LARP6: variants seen among roughly 807,000 people sequenced by gnomAD.
The protein encoded by LARP6 is la-related protein 6.
In LARP6, 18 loss-of-function variants were observed where a neutral mutation model predicts 32.8. That is an observed-to-expected ratio of 0.55 (90% CI 0.38 to 0.81). LARP6 has a LOEUF of 0.81. Among genes scored for constraint, LARP6 ranks in the 40% least tolerant of loss-of-function variants. The probability of loss-of-function intolerance (pLI) is 0.00; values close to 1 mark genes in which losing one functional copy is unlikely to be tolerated. For missense variants in LARP6, 598 were observed against 663.1 expected, an observed-to-expected ratio of 0.90 and a Z score of 1.08; for synonymous variants, 289 against 267.2, an observed-to-expected ratio of 1.08 and a Z score of -0.80.
At position 70,844,552 on chromosome 15, in the gene LARP6, T is replaced by G. The variant is rs1022317451; in HGVS notation, c.201-8047A>C. 9.2e-5 allele frequency among the ~76,000 whole-genome samples: 14 copies of G among 152,332 alleles called. No homozygotes were observed. The East Asian group carries it at 1.9e-3, about 21-fold the overall frequency. ...TTTATTATTATGACTATGTAAACACTGTTCCCTACAGGGCTAAGTCATTTG... is the reference window on the plus strand; with the variant it reads ...TTTATTATTATGACTATGTAAACACGGTTCCCTACAGGGCTAAGTCATTTG... On this transcript the variant is annotated intron_variant, in intron 1 of 2. Transcript: ENST00000299213.
intron 1 of LARP6, among the ~76,000 whole-genome samples, chr15:70,844,001 G>A (rs1299325791): frequency 1.1e-4 from 16 of 150,812 alleles, no homozygotes; most frequent in Admixed American, 4.0e-4. Flanking sequence ...CTGTCGCCCA[G>A]GCTGGAGTGC....
intron 1 of LARP6, among the ~76,000 whole-genome samples, chr15:70,846,104 A>G (rs1197844814): frequency 6.6e-6 from 1 of 152,114 alleles, no homozygotes; most frequent in Non-Finnish European, 1.5e-5. Context: ...CATCTTTGGT[A>G]TATTTCCCAA....
At chr15:70,851,204 T>C (rs778782794) in intron 1 of LARP6, among the ~76,000 whole-genome samples, 11 of 152,244 alleles carry the variant, frequency 7.2e-5, no homozygotes, top group South Asian at 2.1e-4. Context: ...TATAATCTTG[T>C]GTAAAACATA....
intron 1 of LARP6, chr15:70,849,412 A>T (rs1011698030): frequency 8.5e-5 from 13 of 153,294 alleles, no homozygotes; most frequent in African/African-American, 1.2e-4. Context: ...TATATTTCTT[A>T]GTTCTGTCCA....
chr15:70,848,147 A>C lies in LARP6; in HGVS notation c.200+5742T>G, dbSNP rs547537162. ...TGAAAACATATACAGGTATGTTCTC[A>C]ACTTTGTTAAAGGCATCACCCTTTT... On this transcript the variant is annotated intron_variant, in intron 1 of 2. Coordinates refer to ENST00000299213, the MANE Select transcript of LARP6 (RefSeq NM_018357.4). 2.7e-4 allele frequency among the ~76,000 whole-genome samples: 41 copies of C among 152,342 alleles called. 1 individual carries two copies. The highest frequency in any genetic ancestry group is 3.4e-3 in the Middle Eastern group (1 of 294).
intron 2 of LARP6, among the ~76,000 whole-genome samples, chr15:70,835,615 G>T (rs28408370): frequency 3.9e-5 from 6 of 152,156 alleles, no homozygotes; most frequent in Non-Finnish European, 8.8e-5. Context: ...AACAGGCCGC[G>T]TAGTGCTTTT....
At chr15:70,839,264 C>A (rs1490080020) in intron 1 of LARP6, among the ~76,000 whole-genome samples, 2 of 151,898 alleles carry the variant, frequency 1.3e-5, no homozygotes, top group Admixed American at 6.6e-5. Flanking sequence ...CATGGTGAAA[C>A]CCCATCTCTA....
chr15:70,846,904 T>C (rs1435835735), intron 1 of LARP6, among the ~76,000 whole-genome samples: 1 of 152,212 alleles, frequency 6.6e-6, no homozygotes, highest in Admixed American at 6.5e-5. Context: ...AGGTCCATCT[T>C]AAATGCAATT....
At chr15:70,839,793 G>A (rs992928903) in intron 1 of LARP6, among the ~76,000 whole-genome samples, 1 of 152,028 alleles carries the variant, frequency 6.6e-6, no homozygotes, top group Non-Finnish European at 1.5e-5. Context: ...TTAATGTTAT[G>A]GCCACTAACA....
At chr15:70,851,596 T>G (rs984291367) in intron 1 of LARP6, 23 of 1,597,204 alleles carry the variant, frequency 1.4e-5, no homozygotes, top group Non-Finnish European at 1.8e-5. Flanking sequence ...CACCATTGAG[T>G]GAGTGTGATG....
At chr15:70,853,221 C>T (rs892499141) in intron 1 of LARP6, 3 of 131,288 alleles carry the variant, frequency 2.3e-5, no homozygotes, top group Non-Finnish European at 4.9e-5. Context: ...AACACCCCCC[C>T]CCCGCCCCCC....
chr15:70,853,988 T>TCGTCCTCCAACTCGTCCA lies in LARP6; in HGVS notation c.83_100dup (p.Val28_Asp33dup), dbSNP rs1445375680. Reference sequence around the variant, plus strand: ...GCCCCGAGTCTCCGCCCCCTCCTCCTCGTCCTCCAACTCGTCCACGTCCTC... The same window carrying TCGTCCTCCAACTCGTCCA: ...GCCCCGAGTCTCCGCCCCCTCCTCCTCGTCCTCCAACTCGTCCACGTCCTCCAACTCGTCCACGTCCTC... On this transcript the variant is annotated inframe_insertion, in exon 1 of 3. Coordinates refer to ENST00000299213, the MANE Select transcript of LARP6 (RefSeq NM_018357.4). 6.8e-7 allele frequency: 1 copy of TCGTCCTCCAACTCGTCCA among 1,463,822 alleles called. No individual in the cohort carries two copies. The allele number at this position is 1,463,822 out of a possible 1,614,324, so 90.7% of individuals were successfully genotyped here.
rs1191138515 is a variant in LARP6, at chr15:70,829,224, C to G, written c.*2828G>C. On this transcript the variant is annotated 3_prime_UTR_variant, in exon 3 of 3. Transcript: ENST00000299213. ...CGTGATCTCGGCTCACTGCAACCTC[C>G]GCCTCCCAGGTTCAAGCAATTCTCC... is the stretch of plus-strand genomic sequence containing the variant. 6.6e-6 allele frequency: 1 copy of G among 152,110 alleles called. No individual in the cohort carries two copies. The highest frequency in any genetic ancestry group is 2.1e-4 in the South Asian group (1 of 4,826). The allele number at this position is 152,110 out of a possible 1,614,324, so 9.4% of individuals were successfully genotyped here.
chr15:70,852,288 A>C, intron 1 of LARP6: 2 of 455,910 alleles, frequency 4.4e-6, no homozygotes, highest in Non-Finnish European at 4.4e-6. Context: ...GAAGGGCTTC[A>C]GACTGAACAC....
chr15:70,838,912 C>CACAAAAAAAAAAAAA (rs10634375), intron 1 of LARP6, among the ~76,000 whole-genome samples: 22 of 102,850 alleles, frequency 2.1e-4, no homozygotes, highest in East Asian at 5.4e-4. Context: ...CTCAGCCTCA[C>CACAAAAAAAAAAAAA]AAAAAAAAAA....
chr15:70,843,631 T>C (rs2032294855), intron 1 of LARP6, among the ~76,000 whole-genome samples: 1 of 151,390 alleles, frequency 6.6e-6, no homozygotes, highest in African/African-American at 2.4e-5. Context: ...ATTAGCCTTT[T>C]ATTTATGGTT....
chr15:70,837,149 T>G (rs968849191), intron 1 of LARP6, among the ~76,000 whole-genome samples: 2 of 151,998 alleles, frequency 1.3e-5, no homozygotes, highest in Non-Finnish European at 2.9e-5. Context: ...CTGAGGTAGG[T>G]GGCCTGAGCC....
intron 2 of LARP6, among the ~76,000 whole-genome samples, chr15:70,835,492 A>T (rs1033395464): frequency 1.3e-5 from 2 of 152,230 alleles, no homozygotes; most frequent in African/African-American, 4.8e-5. Context: ...GGCAGAGTAC[A>T]CCAGTGGGTG....
At position 70,851,937 on chromosome 15, in the gene LARP6, T is replaced by C. The variant is rs542183950; in HGVS notation, c.200+1952A>G. On this transcript the variant is annotated intron_variant, in intron 1 of 2. Coordinates refer to ENST00000299213, the MANE Select transcript of LARP6 (RefSeq NM_018357.4). ...GGTGCAGAGGCATGTAGACACAAAA[T>C]AGCCCCCTATGCTCAGGGAACTAGC... 6.2e-4 allele frequency: 368 copies of C among 591,856 alleles called. 2 individuals are homozygous for C. The highest frequency in any genetic ancestry group is 6.1e-3 in the African/African-American group (327 of 53,408). The allele number at this position is 591,856 out of a possible 1,614,324, so 36.7% of individuals were successfully genotyped here.
Sources: allele counts gnomAD v4.1 joint callset (sites outside exome capture counted in the v4.1 genomes callset), GRCh38; gene constraint gnomAD v4.1.1; transcripts MANE v1.5; gene names NCBI Gene and HGNC (gene_info 2026-07-23, HGNC 2026-07-21).